The following SRRM2 variants were observed in gnomAD, a reference collection of about 807,000 sequenced individuals.
SRRM2 encodes serine/arginine repetitive matrix 2.
In SRRM2, 30 loss-of-function variants were observed where a neutral mutation model predicts 213.8. That is an observed-to-expected ratio of 0.14 (90% CI 0.10 to 0.19). The LOEUF is 0.19. SRRM2 is among the 10% of genes least tolerant of loss of function. The pLI is 1.00. For synonymous variants in SRRM2, 2,025 were observed against 1,377.7 expected, an observed-to-expected ratio of 1.47 and a Z score of -10.40; for missense variants, 4,904 against 3,647.0, an observed-to-expected ratio of 1.34 and a Z score of -8.88.
intron 1 of SRRM2, among the ~76,000 whole-genome samples, chr16:2,755,199 A>C (rs1267876192): frequency 6.6e-6 from 1 of 152,264 alleles, no homozygotes; most frequent in Non-Finnish European, 1.5e-5. Flanking sequence ...CAAGGAATCT[A>C]ACCAGGAAAG....
At chr16:2,754,591 G>C (rs1266980068) in intron 1 of SRRM2, among the ~76,000 whole-genome samples, 4 of 152,128 alleles carry the variant, frequency 2.6e-5, no homozygotes, top group Admixed American at 2.6e-4. Context: ...TACCCGGCCT[G>C]GTTTTCCTTT....
At position 2,767,029 on chromosome 16, in the gene SRRM2, C is replaced by T. The variant is rs773856103; in HGVS notation, c.6501C>T (p.His2167=). The T allele has an allele frequency of 1.9e-6, 3 of 1,614,210 alleles. No individual in the cohort carries two copies. The highest frequency in any genetic ancestry group is 2.2e-5 in the East Asian group (1 of 44,888). The change falls in exon 11 of 15, where the codon CAC becomes CAT. Residue 2167 remains histidine (H), a synonymous_variant. Transcript: ENST00000301740. ...GTCCAGGTCCCCGAATACCTGACCA[C>T]CAGAGAACATCTGTGCCAGAAAATC... The part of the protein sequence containing the change: ...MDGPGPRIPD[H]QRTSVPENHA...
rs1163096062 is a variant in SRRM2, at chr16:2,752,794, C to A, written c.-84C>A. 1 of 345,084 alleles carries A rather than the reference C, an allele frequency of 2.9e-6. No individual in the cohort carries two copies. Among genetic ancestry groups the A allele is most frequent in the Non-Finnish European group, 5.9e-6 (1 of 170,616 alleles). The allele number at this position is 345,084 out of a possible 1,614,324, so 21.4% of individuals were successfully genotyped here. ...GGCCCGAGGGACTCGGGAGCTCGAG[C>A]AGCGGCGGCGGCAAGACCTCTCCCC... On this transcript the variant is annotated 5_prime_UTR_variant, in exon 1 of 15. Transcript: ENST00000301740.
Position 2,771,038 on chromosome 16 carries a change from A to T in SRRM2, c.*171A>T. ...TTTTTTTTTTCTTTGTTCCTGTGAAATGTTAATCTCCGTGAGTTCTTCCTG... is the reference window on the plus strand; with the variant it reads ...TTTTTTTTTTCTTTGTTCCTGTGAATTGTTAATCTCCGTGAGTTCTTCCTG... On this transcript the variant is annotated 3_prime_UTR_variant, in exon 15 of 15. Coordinates refer to ENST00000301740, the MANE Select transcript of SRRM2 (RefSeq NM_016333.4). The T allele has an allele frequency of 2.0e-6, 1 of 501,804 alleles. No individual in the cohort carries two copies. The highest frequency in any genetic ancestry group is 3.2e-6 in the Non-Finnish European group (1 of 311,746). The allele number at this position is 501,804 out of a possible 1,614,324, so 31.1% of individuals were successfully genotyped here.
chr16:2,760,747 G>A (rs1179071952), intron 10 of SRRM2: 7 of 474,966 alleles, frequency 1.5e-5, no homozygotes, highest in South Asian at 1.4e-4. Flanking sequence ...TTTATACATA[G>A]ATAGAACTGG....
Position 2,771,368 on chromosome 16 carries a change from G to A in SRRM2, c.*501G>A. The stretch of plus-strand genomic sequence containing the variant: ...ATTTTGGTTTTTTAAAATCTGTACA[G>A]CAAGAGCAACTTTTTCTGTCAAATA... On this transcript the variant is annotated 3_prime_UTR_variant, in exon 15 of 15. Transcript: ENST00000301740. 1 of 1,597,100 alleles carries A rather than the reference G, an allele frequency of 6.3e-7. No homozygotes were observed. Among genetic ancestry groups the A allele is most frequent in the Non-Finnish European group, 8.6e-7 (1 of 1,165,578 alleles).
In SRRM2 at chr16:2,766,099, A is replaced by G. The variant is rs771757906; in HGVS notation, c.5571A>G (p.Ser1857=). 1 of 1,613,794 alleles carries G rather than the reference A, an allele frequency of 6.2e-7. No homozygotes were observed. Among genetic ancestry groups the G allele is most frequent in the Non-Finnish European group, 8.5e-7 (1 of 1,179,944 alleles). The change falls in exon 11 of 15, where the codon TCA becomes TCG. Residue 1857 remains serine (S), a synonymous_variant. Coordinates refer to ENST00000301740, the MANE Select transcript of SRRM2 (RefSeq NM_016333.4). This position sits in a 1 kb window ranked among gnomAD's most constrained non-coding sequence, Gnocchi z 7.0. ...GGAAGCGTTCTCGCTCACGCACATC[A>G]CCAGCCCCGTGGAAACGCTCTAGAT... The part of the protein sequence containing the change: ...TSRKRSRSRT[S]PAPWKRSRSR...
In SRRM2 at chr16:2,762,727, A is replaced by C; in HGVS notation, c.2199A>C (p.Lys733Asn). 1 of 1,614,200 alleles carries C rather than the reference A, an allele frequency of 6.2e-7. No homozygotes were observed. The highest frequency in any genetic ancestry group is 8.5e-7 in the Non-Finnish European group (1 of 1,180,026). Residue 733 changes from lysine (K) to asparagine (N), a missense_variant, in exon 11 of 15, where the codon AAA becomes AAC. Lys to Asn is a moderately conservative substitution (Grantham distance 94). Coordinates refer to ENST00000301740, the MANE Select transcript of SRRM2 (RefSeq NM_016333.4). ...GCTCATCTTCAGAGCGGAAAAACAA[A>C]TCCAGAACATCTCAAAGAAGAAGCA... ...RSGSSSERKN[K>N]SRTSQRRSRS...
In SRRM2 at chr16:2,765,923, C is replaced by T. The variant is rs750044206; in HGVS notation, c.5395C>T (p.Arg1799Trp). ...DRSGSSQSTS[R>W]RRQRSRSRSR... ...GTCTGGATCTTCTCAGTCAACCTCT[C>T]GGCGAAGACAGCGGAGCCGGTCAAG... Residue 1799 changes from arginine to tryptophan, a missense_variant, in exon 11 of 15, where the codon CGG becomes TGG. Arg to Trp is a moderately radical substitution (Grantham distance 101). Transcript: ENST00000301740. 2.9e-5 allele frequency: 47 copies of T among 1,614,050 alleles called. No individual in the cohort carries two copies. Among genetic ancestry groups the T allele is most frequent in the East Asian group, 6.7e-5 (3 of 44,870 alleles).
chr16:2,753,036 A>ACCCCCCCCCC (rs5815132), intron 1 of SRRM2, among the ~76,000 whole-genome samples, 190 bp downstream of exon 1: 8 of 138,424 alleles, frequency 5.8e-5, no homozygotes, highest in Non-Finnish European at 9.5e-5. Context: ...CGCGGGCTTC[A>ACCCCCCCCCC]CCCCCCCCCG....
Position 2,765,674 on chromosome 16 carries a change from A to G in SRRM2, c.5146A>G (p.Thr1716Ala), listed in dbSNP as rs1352997335. The part of the protein sequence containing the change: ...RSRSASSSPE[T>A]RSRTPPRHRR... ...CCGCTCTGCCTCATCCTCACCAGAA[A>G]CTCGCTCTAGAACTCCCCCAAGGCA... The change falls in exon 11 of 15, where the codon ACT becomes GCT. Residue 1716 changes from threonine (T) to alanine (A), a missense_variant. Thr to Ala is a moderately conservative substitution (Grantham distance 58). Coordinates refer to ENST00000301740, the MANE Select transcript of SRRM2 (RefSeq NM_016333.4). 3.1e-6 allele frequency: 5 copies of G among 1,613,718 alleles called. No individual in the cohort carries two copies. The highest frequency in any genetic ancestry group is 2.5e-6 in the Non-Finnish European group (3 of 1,179,988).
At chr16:2,770,254 T>C (rs2068693975) in intron 12 of SRRM2, 98 bp from the exon 13 acceptor site, 1 of 1,469,664 alleles carries the variant, frequency 6.8e-7, no homozygotes, top group South Asian at 1.4e-5. Flanking sequence ...CCCTGTGTGG[T>C]GTGAGGTTTG....
chr16:2,756,912 G>T (rs764216491), intron 2 of SRRM2, among the ~76,000 whole-genome samples: 14 of 152,128 alleles, frequency 9.2e-5, no homozygotes, highest in Non-Finnish European at 2.1e-4. Flanking sequence ...CAGAGACCAG[G>T]TAGAGGAGCT....
Position 2,765,399 on chromosome 16 carries a change from C to T in SRRM2, c.4871C>T (p.Pro1624Leu). 1.2e-6 allele frequency: 2 copies of T among 1,614,162 alleles called. No homozygotes were observed. Among genetic ancestry groups the T allele is most frequent in the Middle Eastern group, 3.3e-4 (2 of 6,062 alleles). Residue 1624 changes from proline (P) to leucine (L), a missense_variant, in exon 11 of 15, where the codon CCT (proline) becomes CTT (leucine). Physicochemically the swap from Pro to Leu is moderately conservative, Grantham distance 98 (BLOSUM62 -3). Transcript: ENST00000301740. Reference sequence around the variant, plus strand: ...AGTGGTTCTGATTCCTCTCCTGAACCTAAAGCTCCAGCCCCTCGGGCCCTT... The same window carrying T: ...AGTGGTTCTGATTCCTCTCCTGAACTTAAAGCTCCAGCCCCTCGGGCCCTT... Reference protein sequence around the residue: ...AQSGSDSSPEPKAPAPRALPR... With the variant: ...AQSGSDSSPELKAPAPRALPR...
Position 2,762,652 on chromosome 16 carries a change from T to G in SRRM2, c.2124T>G (p.Val708=), listed in dbSNP as rs1164463105. 1 of 1,614,016 alleles carries G rather than the reference T, an allele frequency of 6.2e-7. No homozygotes were observed. The highest frequency in any genetic ancestry group is 8.5e-7 in the Non-Finnish European group (1 of 1,179,986). ...GAAGATCCCGCAGTAGAAGCTTAGT[T>G]AGACGTGGAAGATCTCACTCTAGAA... ...RRGRSRSRSL[V]RRGRSHSRTP... Residue 708 remains valine, a synonymous_variant, in exon 11 of 15, where the codon GTT becomes GTG. Coordinates refer to ENST00000301740, the MANE Select transcript of SRRM2 (RefSeq NM_016333.4).
At chr16:2,761,452 A>G in intron 10 of SRRM2, 109 bp from the exon 11 acceptor site, 2 of 856,112 alleles carry the variant, frequency 2.3e-6, no homozygotes, top group Non-Finnish European at 3.4e-6. Flanking sequence ...TTGTGGTCAG[A>G]GGGTGTGTAA....
rs373645061 is a variant in SRRM2, at chr16:2,763,356, C to T, written c.2828C>T (p.Ser943Leu). The T allele has an allele frequency of 1.7e-5, 27 of 1,614,066 alleles. No individual in the cohort carries two copies. In the African/African-American group the frequency reaches 1.7e-4, roughly 10 times the overall value. The change falls in exon 11 of 15, where the codon TCG (serine) becomes TTG (leucine). Residue 943 changes from serine to leucine, a missense_variant. Ser to Leu is a moderately radical substitution (Grantham distance 145). Coordinates refer to ENST00000301740, the MANE Select transcript of SRRM2 (RefSeq NM_016333.4). ...SSSPSPSRVT[S>L]RTTPRRSRSV... ...TCTCCAAGTCCTAGTAGGGTGACGT[C>T]GAGAACAACTCCACGGCGAAGCAGA...
At position 2,757,786 on chromosome 16, in the gene SRRM2, C is replaced by T. The variant is rs372719625; in HGVS notation, c.356C>T (p.Thr119Met). The T allele has an allele frequency of 1.7e-5, 28 of 1,613,864 alleles. No individual in the cohort carries two copies. In the East Asian group the frequency reaches 3.1e-4, roughly 18 times the overall value. Residue 119 changes from threonine (T) to methionine (M), a missense_variant, in exon 4 of 15, where the codon ACG becomes ATG. Physicochemically the swap from Thr to Met is moderately conservative, Grantham distance 81. Transcript: ENST00000301740. ...TTTGCCCTTCTTTTCTCTAGGGTCA[C>T]GGAGACTCACCAGTTGGCAGAATTA... Reference protein sequence around the residue: ...EETPGQRPAVTETHQLAELNE... With the variant: ...EETPGQRPAVMETHQLAELNE...
Position 2,765,400 on chromosome 16 carries a change from T to G in SRRM2, c.4872T>G (p.Pro1624=), listed in dbSNP as rs1329166256. 1 of 1,614,012 alleles carries G rather than the reference T, an allele frequency of 6.2e-7. No homozygotes were observed. Among genetic ancestry groups the G allele is most frequent in the Non-Finnish European group, 8.5e-7 (1 of 1,180,028 alleles). Residue 1624 remains proline (P), a synonymous_variant, in exon 11 of 15, where the codon CCT becomes CCG. Coordinates refer to ENST00000301740, the MANE Select transcript of SRRM2 (RefSeq NM_016333.4). The part of the protein sequence containing the change: ...AQSGSDSSPE[P]KAPAPRALPR... Reference sequence around the variant, plus strand: ...GTGGTTCTGATTCCTCTCCTGAACCTAAAGCTCCAGCCCCTCGGGCCCTTC... The same window carrying G: ...GTGGTTCTGATTCCTCTCCTGAACCGAAAGCTCCAGCCCCTCGGGCCCTTC...
Sources: allele counts gnomAD v4.1 joint callset (sites outside exome capture counted in the v4.1 genomes callset), GRCh38; gene constraint gnomAD v4.1.1; non-coding constraint Gnocchi (gnomAD v3.1); transcripts MANE v1.5; gene names NCBI Gene and HGNC (gene_info 2026-07-23, HGNC 2026-07-21).